ADGRV1: variants seen among roughly 807,000 people sequenced by gnomAD.
ADGRV1 encodes G-protein coupled receptor 98.
Under a neutral mutation model 596.2 loss-of-function variants are expected in ADGRV1, and 359 were observed. The ratio of observed to expected loss-of-function variants is 0.60; its 90% confidence interval spans 0.55 to 0.66. The LOEUF (loss-of-function observed/expected upper bound fraction) is 0.66. Ranked by LOEUF, ADGRV1 falls within the 30% of genes least tolerant of loss-of-function variation. The probability of loss-of-function intolerance (pLI) is 0.00; values close to 1 mark genes in which losing one functional copy is unlikely to be tolerated. For missense variants in ADGRV1, 7,274 were observed against 7,575.6 expected, an observed-to-expected ratio of 0.96 and a Z score of 1.48; for synonymous variants, 2,681 against 2,679.2, an observed-to-expected ratio of 1.00 and a Z score of -0.02.
rs759594836 is a variant in ADGRV1, at chr5:90,642,721, T to C, written c.2326T>C (p.Phe776Leu). The C allele has an allele frequency of 1.9e-6, 3 of 1,613,576 alleles. No individual in the cohort carries two copies. Among genetic ancestry groups the C allele is most frequent in the Non-Finnish European group, 2.5e-6 (3 of 1,179,600 alleles). ...ILENDDPGGVFEFSPASRGPY... is the reference protein window; with the variant it reads ...ILENDDPGGVLEFSPASRGPY... ...GGAAAATGATGACCCTGGGGGAGTT[T>C]TTGAATTTTCTCCTGCTTCCAGAGG... Residue 776 changes from phenylalanine (F) to leucine (L), a missense_variant, in exon 12 of 90, where the codon TTT becomes CTT. Coordinates refer to ENST00000405460, the MANE Select transcript of ADGRV1 (RefSeq NM_032119.4).
intron 75 of ADGRV1, among the ~76,000 whole-genome samples, chr5:90,820,773 G>A (rs1044863619): frequency 4.0e-5 from 6 of 151,666 alleles, no homozygotes; most frequent in African/African-American, 1.5e-4. Context: ...TAGGGTTTCT[G>A]CCGAGAGATC....
At chr5:90,692,902 T>A (rs530636025) in intron 32 of ADGRV1, 116 bp downstream of exon 32, 1 of 707,272 alleles carries the variant, frequency 1.4e-6, no homozygotes, top group South Asian at 2.3e-5. Context: ...TGCCATAAAT[T>A]ATTTTATAGG....
chr5:90,668,284 T>C (rs1035543585), intron 21 of ADGRV1, among the ~76,000 whole-genome samples: 10 of 152,112 alleles, frequency 6.6e-5, no homozygotes, highest in South Asian at 2.1e-4. Flanking sequence ...TAGGACCCTC[T>C]GAGCCAGGTG....
At chr5:90,691,145 T>G in intron 31 of ADGRV1, 104 bp downstream of exon 31, 1 of 1,394,658 alleles carries the variant, frequency 7.2e-7, no homozygotes, top group Non-Finnish European at 1.0e-6. Flanking sequence ...GTCAAATAAA[T>G]TATTCCTGCA....
rs1754536036 is a variant in ADGRV1, at chr5:90,745,619, GAGAGAGA to G, written c.10801_10807del (p.Arg3601LeufsTer3). 6.2e-7 allele frequency: 1 copy of G among 1,612,048 alleles called. No individual in the cohort carries two copies. The highest frequency in any genetic ancestry group is 1.7e-5 in the Admixed American group (1 of 59,976). On this transcript the variant is annotated frameshift_variant, in exon 52 of 90. Coordinates refer to ENST00000405460, the MANE Select transcript of ADGRV1 (RefSeq NM_032119.4). LOFTEE classifies it high-confidence loss of function. ...AGGTGAACTGATATTTGAACCTGGT[GAGAGAGA>G]AGCTACAATAGCAGTAAATATCCTT...
At chr5:90,852,172 T>C (rs563501429) in intron 79 of ADGRV1, among the ~76,000 whole-genome samples, 5 of 152,270 alleles carry the variant, frequency 3.3e-5, no homozygotes, top group Admixed American at 6.5e-5. Context: ...TTCAGGTATT[T>C]GAAGGCACCA....
At chr5:90,948,194 T>C (rs950604773) in intron 83 of ADGRV1, among the ~76,000 whole-genome samples, 39 of 152,154 alleles carry the variant, frequency 2.6e-4, no homozygotes, top group African/African-American at 9.2e-4. Flanking sequence ...CTAGGTGATA[T>C]TAGAATTTGA....
chr5:91,005,822 A>C (rs771245884), intron 85 of ADGRV1, among the ~76,000 whole-genome samples: 3 of 152,146 alleles, frequency 2.0e-5, no homozygotes, highest in Non-Finnish European at 4.4e-5. Context: ...AATAGCCTCA[A>C]AACCAGTTAT....
Position 90,753,678 on chromosome 5 carries a change from C to T in ADGRV1, c.11226C>T (p.Ile3742=), listed in dbSNP as rs187575925. ...TTGTGATTGTAACCCTCACCCGTAT[C>T]ACCACAGAAGGGGTTGAGGACTCAT... ...SEVVIVTLTR[I]TTEGVEDSYK... is the part of the protein sequence containing the mutation. The change falls in exon 54 of 90, where the codon ATC becomes ATT. Residue 3742 remains isoleucine (I), a synonymous_variant. Coordinates refer to ENST00000405460, the MANE Select transcript of ADGRV1 (RefSeq NM_032119.4). 51 of 1,613,672 alleles carry T rather than the reference C, an allele frequency of 3.2e-5. No individual in the cohort carries two copies. Among genetic ancestry groups the T allele is most frequent in the Non-Finnish European group, 2.5e-6 (3 of 1,179,688 alleles).
chr5:90,745,559 T>G, intron 51 of ADGRV1, 32 bp from the exon 52 acceptor site: 1 of 1,445,190 alleles, frequency 6.9e-7, no homozygotes. Flanking sequence ...TTTGTTGTAG[T>G]TGACTTATTT....
At chr5:90,721,094 A>G in intron 45 of ADGRV1, 35 bp downstream of exon 45, 1 of 1,589,596 alleles carries the variant, frequency 6.3e-7, no homozygotes, top group Non-Finnish European at 8.6e-7. Context: ...AAAATTCTGT[A>G]ACGAAAAAAT....
chr5:90,594,910 C>A (rs1175871426), intron 1 of ADGRV1, among the ~76,000 whole-genome samples: 1 of 149,812 alleles, frequency 6.7e-6, no homozygotes, highest in African/African-American at 2.5e-5. Flanking sequence ...GGCAACCATC[C>A]GATTTCTCAA....
At chr5:90,960,895 A>G (rs980429606) in intron 83 of ADGRV1, among the ~76,000 whole-genome samples, 1 of 152,168 alleles carries the variant, frequency 6.6e-6, no homozygotes, top group African/African-American at 2.4e-5. Flanking sequence ...AGCAAGAGAA[A>G]GTGGGGCAGA....
intron 85 of ADGRV1, among the ~76,000 whole-genome samples, chr5:91,016,424 T>A (rs1159897852): frequency 6.6e-6 from 1 of 151,980 alleles, no homozygotes; most frequent in Non-Finnish European, 1.5e-5. Context: ...GTGACCCAGG[T>A]CATTTACCTG....
rs758468784 is a variant in ADGRV1, at chr5:90,651,700, C to G, written c.3386C>G (p.Ala1129Gly). ...TTTTCTCTGGAGCCCATAGACAAAGCAGTGGAAGAAGGAAAGACTAATGCA... is the reference window on the plus strand; with the variant it reads ...TTTTCTCTGGAGCCCATAGACAAAGGAGTGGAAGAAGGAAAGACTAATGCA... ...GIFSLEPIDKAVEEGKTNAFW... is the reference protein window; with the variant it reads ...GIFSLEPIDKGVEEGKTNAFW... The change falls in exon 18 of 90, where the codon GCA becomes GGA. Residue 1129 changes from alanine to glycine, a missense_variant. Around this residue, in one of 5 missense-constraint regions of ADGRV1, gnomAD observed 1,715 missense variants for 1,708.8 expected, o/e 1.00. Transcript: ENST00000405460. 6.2e-7 allele frequency: 1 copy of G among 1,612,114 alleles called. No homozygotes were observed. The highest frequency in any genetic ancestry group is 1.1e-5 in the South Asian group (1 of 90,916).
intron 85 of ADGRV1, among the ~76,000 whole-genome samples, chr5:91,037,426 T>A (rs2151259779): frequency 6.6e-6 from 1 of 152,200 alleles, no homozygotes; most frequent in East Asian, 1.9e-4. Flanking sequence ...AAAAGAGTTG[T>A]CTTCCAATGT....
At chr5:91,128,100 T>G (rs1793921141) in intron 87 of ADGRV1, among the ~76,000 whole-genome samples, 1 of 151,636 alleles carries the variant, frequency 6.6e-6, no homozygotes, top group Admixed American at 6.6e-5. Context: ...CTCCCCTCCC[T>G]CTCTCTGCCT....
At chr5:90,953,130 G>A (rs916396766) in intron 83 of ADGRV1, among the ~76,000 whole-genome samples, 3 of 152,092 alleles carry the variant, frequency 2.0e-5, no homozygotes, top group Non-Finnish European at 1.5e-5. Context: ...AAGAACTCAT[G>A]ATAGCCCTTG....
At chr5:90,929,100 G>GC (rs1188006084) in intron 83 of ADGRV1, 2 of 151,822 alleles carry the variant, frequency 1.3e-5, no homozygotes, top group Admixed American at 6.5e-5. Flanking sequence ...TCTGTGCCCT[G>GC]CCCCCAGAGG....
Sources: gnomAD v4.1 joint callset for allele counts (sites outside exome capture counted in the v4.1 genomes callset) on GRCh38, gnomAD v4.1.1 for gene constraint, gnomAD v4.1.1 regional missense constraint, MANE v1.5 for transcripts, NCBI Gene and HGNC (gene_info 2026-07-23, HGNC 2026-07-21) for gene names.